Variants in LRRC3B observed in about 807,000 individuals in gnomAD.
LRRC3B encodes the protein leucine-rich repeat-containing protein 3B.
In LRRC3B, 2 loss-of-function variants were observed where a neutral mutation model predicts 12.8. That is an observed-to-expected ratio of 0.16 (90% CI 0.06 to 0.49). The LOEUF (loss-of-function observed/expected upper bound fraction) is 0.49. Among genes scored for constraint, LRRC3B ranks in the 20% least tolerant of loss-of-function variants. The pLI is 0.96. For synonymous variants in LRRC3B, 132 were observed against 122.0 expected (o/e 1.08, Z -0.54); for missense variants, 189 against 319.4 (o/e 0.59, Z 3.11).
intron 1 of LRRC3B, among the ~76,000 whole-genome samples, chr3:26,695,116 G>T (rs1342444761): frequency 6.6e-6 from 1 of 152,046 alleles, no homozygotes; most frequent in Non-Finnish European, 1.5e-5. Context: ...TTCTCTCAGT[G>T]ATATGTATTT....
At chr3:26,650,847 C>T (rs771798289) in intron 1 of LRRC3B, among the ~76,000 whole-genome samples, 1 of 152,148 alleles carries the variant, frequency 6.6e-6, no homozygotes, top group Non-Finnish European at 1.5e-5. Context: ...ATAACAGTTC[C>T]AGATTTTTGT....
At chr3:26,704,218 CT>C (rs559864722) in intron 1 of LRRC3B, among the ~76,000 whole-genome samples, 6 of 151,630 alleles carry the variant, frequency 4.0e-5, no homozygotes, top group East Asian at 1.9e-4. Flanking sequence ...TAAGTATTTG[CT>C]TTTTTTTGAG....
At chr3:26,681,271 G>A (rs1417645223) in intron 1 of LRRC3B, among the ~76,000 whole-genome samples, 1 of 152,076 alleles carries the variant, frequency 6.6e-6, no homozygotes, top group Non-Finnish European at 1.5e-5. Context: ...GATTTCGTGG[G>A]GAGAAAAATG....
intron 1 of LRRC3B, among the ~76,000 whole-genome samples, chr3:26,651,804 C>T (rs572341672): frequency 6.6e-5 from 10 of 152,314 alleles, no homozygotes; most frequent in Admixed American, 2.6e-4. Context: ...TCCTACCTGT[C>T]AGTTCAGCCT....
intron 1 of LRRC3B, among the ~76,000 whole-genome samples, chr3:26,658,154 G>A (rs1355685765): frequency 6.6e-6 from 1 of 152,118 alleles, no homozygotes; most frequent in Non-Finnish European, 1.5e-5. Flanking sequence ...CTTGGCTACT[G>A]CAAGCTCGGC....
chr3:26,686,111 A>G (rs1378369573), intron 1 of LRRC3B, among the ~76,000 whole-genome samples: 3 of 151,082 alleles, frequency 2.0e-5, no homozygotes, highest in African/African-American at 7.3e-5. Flanking sequence ...ATGGAGTCTC[A>G]CTCTGTCACC....
intron 1 of LRRC3B, among the ~76,000 whole-genome samples, chr3:26,627,042 T>C (rs531365660): frequency 5.4e-4 from 82 of 152,340 alleles, no homozygotes; most frequent in African/African-American, 1.8e-3. Context: ...CAAAACAATA[T>C]ATTTCTGTAC....
intron 1 of LRRC3B, among the ~76,000 whole-genome samples, chr3:26,701,648 A>G (rs553657220): frequency 6.6e-6 from 1 of 151,956 alleles, no homozygotes; most frequent in African/African-American, 2.4e-5. Context: ...CAACATCGAA[A>G]CATCACCCAA....
chr3:26,640,968 A>C (rs956326274), intron 1 of LRRC3B, among the ~76,000 whole-genome samples: 2 of 152,196 alleles, frequency 1.3e-5, no homozygotes, highest in Non-Finnish European at 2.9e-5. Context: ...ATGACATAGA[A>C]TAATACATTT....
At chr3:26,623,652 C>T (rs540898190) in intron 1 of LRRC3B, 48 of 152,496 alleles carry the variant, frequency 3.1e-4, no homozygotes, top group African/African-American at 1.1e-3. Context: ...GTTTGGGACC[C>T]AGCAGTGCTC....
intron 1 of LRRC3B, among the ~76,000 whole-genome samples, chr3:26,658,835 A>T (rs761146406): frequency 2.0e-5 from 3 of 152,246 alleles, no homozygotes; most frequent in Non-Finnish European, 2.9e-5. Flanking sequence ...TAAACAAGGA[A>T]ATAATAGATC....
chr3:26,641,503 A>G (rs1307390955), intron 1 of LRRC3B, among the ~76,000 whole-genome samples: 1 of 152,204 alleles, frequency 6.6e-6, no homozygotes, highest in Non-Finnish European at 1.5e-5. Context: ...TTCCCACAGG[A>G]AAGGGAAATC....
At chr3:26,627,566 AC>A (rs1247909361) in intron 1 of LRRC3B, among the ~76,000 whole-genome samples, 1 of 152,038 alleles carries the variant, frequency 6.6e-6, no homozygotes, top group Non-Finnish European at 1.5e-5. Context: ...CTGCTGAGGC[AC>A]CCAAGTGTGA....
chr3:26,634,833 G>A (rs1234723696), intron 1 of LRRC3B, among the ~76,000 whole-genome samples: 1 of 152,218 alleles, frequency 6.6e-6, no homozygotes, highest in Admixed American at 6.5e-5. Context: ...GCTGCTGAGA[G>A]TTGGATATGT....
chr3:26,639,477 TCTTTAA>T (rs759335818), intron 1 of LRRC3B, among the ~76,000 whole-genome samples: 15,235 of 143,114 alleles, frequency 0.11, 1,548 homozygotes, highest in East Asian at 0.31. Context: ...TGAATTGGAA[TCTTTAA>T]ATTTAAATTA....
At chr3:26,670,807 A>G (rs960613408) in intron 1 of LRRC3B, among the ~76,000 whole-genome samples, 1 of 152,182 alleles carries the variant, frequency 6.6e-6, no homozygotes, top group East Asian at 1.9e-4. Flanking sequence ...GCAATAATCT[A>G]CATGAAAAGT....
chr3:26,659,725 T>A (rs1699455133), intron 1 of LRRC3B, among the ~76,000 whole-genome samples: 1 of 152,110 alleles, frequency 6.6e-6, no homozygotes, highest in African/African-American at 2.4e-5. Context: ...TTTGTTTAGG[T>A]TTTCTGAAAA....
chr3:26,675,847 A>ATTCTT (rs1170634836), intron 1 of LRRC3B, among the ~76,000 whole-genome samples: 7 of 152,096 alleles, frequency 4.6e-5, no homozygotes, highest in Non-Finnish European at 4.4e-5. Flanking sequence ...TTACCTTCTT[A>ATTCTT]TTCTTTATGA....
intron 1 of LRRC3B, among the ~76,000 whole-genome samples, chr3:26,686,337 C>T (rs1337967854): frequency 2.0e-5 from 3 of 152,178 alleles, no homozygotes; most frequent in Non-Finnish European, 4.4e-5. Context: ...CCTTGGCCTC[C>T]CAAAGTGCTG....
Sources: gnomAD v4.1 joint callset for allele counts (sites outside exome capture counted in the v4.1 genomes callset) on GRCh38, gnomAD v4.1.1 for gene constraint, MANE v1.5 for transcripts, NCBI Gene and HGNC (gene_info 2026-07-23, HGNC 2026-07-21) for gene names.